DIP2C: variants seen among roughly 807,000 people sequenced by gnomAD.
DIP2C encodes the protein DIP2 acetate--CoA ligase C (putative).
Under a neutral mutation model 192.4 loss-of-function variants are expected in DIP2C, and 33 were observed. The observed-to-expected ratio is 0.17, with a 90% CI of 0.13 to 0.23. DIP2C has a LOEUF of 0.23. Ranked by LOEUF, DIP2C falls within the 10% of genes least tolerant of loss-of-function variation. The probability of loss-of-function intolerance (pLI) is 1.00; values close to 1 mark genes in which losing one functional copy is unlikely to be tolerated. For synonymous variants in DIP2C, 979 were observed against 864.1 expected (o/e 1.13, Z -2.33); for missense variants, 1,537 against 2,110.1 (o/e 0.73, Z 5.32).
intron 1 of DIP2C, among the ~76,000 whole-genome samples, chr10:500,050 C>A (rs374416637): frequency 6.6e-6 from 1 of 152,210 alleles, no homozygotes; most frequent in Non-Finnish European, 1.5e-5. Flanking sequence ...CAAGTTCAGA[C>A]CCAGGGAATA....
intron 4 of DIP2C, among the ~76,000 whole-genome samples, chr10:434,994 G>T (rs113864140): frequency 2.0e-5 from 3 of 152,112 alleles, no homozygotes; most frequent in Non-Finnish European, 2.9e-5. Context: ...ATCCTGCTTC[G>T]TGTTTCTGGA....
At chr10:438,083 G>A (rs1303514562) in intron 4 of DIP2C, among the ~76,000 whole-genome samples, 1 of 152,156 alleles carries the variant, frequency 6.6e-6, no homozygotes, top group Non-Finnish European at 1.5e-5. Context: ...AAAATTTACA[G>A]AAGGTTTTTT....
chr10:337,273 T>TGTGC (rs1564575296), intron 29 of DIP2C, among the ~76,000 whole-genome samples: 1 of 147,168 alleles, frequency 6.8e-6, no homozygotes. Context: ...GGCTGATGTG[T>TGTGC]GTGTGTGTTC....
chr10:551,353 G>A (rs769443006), intron 1 of DIP2C, among the ~76,000 whole-genome samples: 2 of 152,196 alleles, frequency 1.3e-5, no homozygotes, highest in African/African-American at 2.4e-5. Flanking sequence ...CCAGGGTAGG[G>A]CTTGGAGTTC....
At chr10:390,476 C>T in intron 11 of DIP2C, 103 bp from the exon 12 acceptor site, 5 of 1,205,334 alleles carry the variant, frequency 4.1e-6, no homozygotes, top group Non-Finnish European at 4.9e-6. Flanking sequence ...TCAACTAGAT[C>T]GAATCTCTGG....
intron 1 of DIP2C, among the ~76,000 whole-genome samples, chr10:606,028 C>T (rs550582453): frequency 1.3e-5 from 2 of 152,230 alleles, no homozygotes. Context: ...CACTCCACGC[C>T]GGGGTCCGAC....
chr10:636,311 A>C lies in DIP2C; in HGVS notation c.85+53183T>G, dbSNP rs1854836762. On this transcript the variant is annotated intron_variant, in intron 1 of 36. Coordinates refer to ENST00000280886, the MANE Select transcript of DIP2C (RefSeq NM_014974.3). The surrounding 1 kb of genome is among the most constrained non-coding windows in gnomAD (Gnocchi z 4.6). ...ACTTTCCCACATTTTCATTATGAAA[A>C]TGTTCAAACATATTTAAAAAGTGGA... is the stretch of plus-strand genomic sequence containing the variant. Among the ~76,000 whole-genome samples the C allele has an allele frequency of 6.6e-6, 1 of 152,186 alleles. No homozygotes were observed. Among genetic ancestry groups the C allele is most frequent in the South Asian group, 2.1e-4 (1 of 4,838 alleles).
Position 652,785 on chromosome 10 carries a change from G to C in DIP2C, c.85+36709C>G, listed in dbSNP as rs1335221767. The C allele has an allele frequency of 6.6e-6, 1 of 151,456 alleles. No individual in the cohort carries two copies. Among genetic ancestry groups the C allele is most frequent in the African/African-American group, 2.4e-5 (1 of 41,084 alleles). The allele number at this position is 151,456 out of a possible 1,614,324, so 9.4% of individuals were successfully genotyped here. On this transcript the variant is annotated intron_variant, in intron 1 of 36. Transcript: ENST00000280886. This position sits in a 1 kb window ranked among gnomAD's most constrained non-coding sequence, Gnocchi z 4.5. ...TCAAGCACAGAACCGCACGCAGAGT[G>C]ATTTTTTTTTTTTTAAACAGAAATG...
chr10:517,983 A>T (rs1159064137), intron 1 of DIP2C, among the ~76,000 whole-genome samples: 1 of 152,248 alleles, frequency 6.6e-6, no homozygotes, highest in Non-Finnish European at 1.5e-5. Context: ...TCAACGTTTC[A>T]TCAAGGAAAG....
chr10:294,090 G>A (rs1471682366), intron 32 of DIP2C, among the ~76,000 whole-genome samples: 1 of 152,138 alleles, frequency 6.6e-6, no homozygotes, highest in Admixed American at 6.5e-5. Flanking sequence ...AAACTCTTCT[G>A]TCCATCCTTT....
chr10:674,309 ATATT>A (rs1830779657), intron 1 of DIP2C, among the ~76,000 whole-genome samples: 1 of 152,250 alleles, frequency 6.6e-6, no homozygotes, highest in South Asian at 2.1e-4. Context: ...AAGAGTAGCT[ATATT>A]TATTTCAGAT....
intron 1 of DIP2C, among the ~76,000 whole-genome samples, chr10:580,295 G>A (rs746371433): frequency 4.6e-5 from 7 of 152,128 alleles, no homozygotes; most frequent in Non-Finnish European, 8.8e-5. Context: ...TATGCAGCAT[G>A]CGTACATTAG....
Position 607,906 on chromosome 10 carries a change from C to T in DIP2C, c.85+81588G>A, listed in dbSNP as rs556017680. On this transcript the variant is annotated intron_variant, in intron 1 of 36. Coordinates refer to ENST00000280886, the MANE Select transcript of DIP2C (RefSeq NM_014974.3). The stretch of plus-strand genomic sequence containing the variant: ...TTGTGTCATTCGCTAAGACGTACGA[C>T]TCTGTAATAACCCACACCACAGCCC... Among the ~76,000 whole-genome samples the T allele has an allele frequency of 5.3e-5, 8 of 152,100 alleles. No individual in the cohort carries two copies. The East Asian group carries it at 1.4e-3, about 26-fold the overall frequency.
chr10:401,321 T>C (rs1175364363), intron 9 of DIP2C, among the ~76,000 whole-genome samples: 3 of 151,894 alleles, frequency 2.0e-5, no homozygotes, highest in African/African-American at 7.3e-5. Flanking sequence ...TATGTGTTCA[T>C]CAGCACATGA....
intron 9 of DIP2C, among the ~76,000 whole-genome samples, chr10:406,698 T>C (rs780225238): frequency 3.3e-5 from 5 of 152,128 alleles, no homozygotes; most frequent in Non-Finnish European, 5.9e-5. Context: ...TCTGCCTTTG[T>C]AGGACTAACA....
intron 32 of DIP2C, among the ~76,000 whole-genome samples, chr10:304,131 A>G (rs542853142): frequency 6.6e-6 from 1 of 152,338 alleles, no homozygotes; most frequent in South Asian, 2.1e-4. Context: ...CCGGCTTCAC[A>G]GGTGTCTATT....
rs2288680 is a variant in DIP2C, at chr10:286,259, G to C, written c.4119+14C>G. 2.2e-5 allele frequency: 35 copies of C among 1,613,566 alleles called. No individual in the cohort carries two copies. Among genetic ancestry groups the C allele is most frequent in the Non-Finnish European group, 2.8e-5 (33 of 1,179,602 alleles). On this transcript the variant is annotated intron_variant, in intron 34 of 36. Transcript: ENST00000280886. ...CAGAAAAGTAACCTGGATCTCGGAG[G>C]ACACTCAACTCACCTCTCCAAGGTG...
intron 1 of DIP2C, among the ~76,000 whole-genome samples, chr10:544,642 T>C (rs1458077468): frequency 6.6e-6 from 1 of 152,226 alleles, no homozygotes; most frequent in Non-Finnish European, 1.5e-5. Context: ...GGTTGTGAAG[T>C]GGTATCTCAC....
chr10:395,739 A>G (rs934087514), intron 10 of DIP2C, among the ~76,000 whole-genome samples: 7 of 152,198 alleles, frequency 4.6e-5, no homozygotes, highest in Non-Finnish European at 1.5e-5. Context: ...GCTTGGTGAT[A>G]AAACCATAGC....
Sources: gnomAD v4.1 joint callset for allele counts (sites outside exome capture counted in the v4.1 genomes callset) on GRCh38, gnomAD v4.1.1 for gene constraint, Gnocchi (gnomAD v3.1) non-coding constraint, MANE v1.5 for transcripts, NCBI Gene and HGNC (gene_info 2026-07-23, HGNC 2026-07-21) for gene names.